DNAH10: variants seen among roughly 807,000 people sequenced by gnomAD.
DNAH10 encodes the protein axonemal beta dynein heavy chain 10.
In DNAH10, 348 loss-of-function variants were observed where a neutral mutation model predicts 506.6. That is an observed-to-expected ratio of 0.69 (90% confidence interval 0.63 to 0.75). DNAH10 has a LOEUF of 0.75. Ranked by LOEUF, DNAH10 falls within the 30% of genes least tolerant of loss-of-function variation. DNAH10 has a pLI of 0.00. For synonymous variants in DNAH10, 2,059 were observed against 2,198.6 expected (o/e 0.94, Z 1.78); for missense variants, 5,179 against 5,787.1 (o/e 0.89, Z 3.41).
rs1955242554 is a variant in DNAH10, at chr12:123,932,107, G to A, written c.13295G>A (p.Trp4432Ter). The A allele has an allele frequency of 6.2e-7, 1 of 1,613,366 alleles. No individual in the cohort carries two copies. Reference protein sequence around the residue: ...FLRRFSQYMLWVTESEPSVMW... With the variant: ...FLRRFSQYML ...CGGCGGTTCAGCCAGTACATGTTGT[G>A]GGTAAGTGGCACGTCACCGCCTCCT... Residue 4432 changes from tryptophan (W) to a stop codon, truncating the protein, a stop_gained and splice_region_variant, in exon 76 of 79, where the codon TGG becomes TAG. Transcript: ENST00000673944. LOFTEE classifies it high-confidence loss of function.
chr12:123,931,898 G>A (rs765233054), intron 75 of DNAH10, 43 bp from the exon 76 acceptor site: 2 of 1,612,758 alleles, frequency 1.2e-6, no homozygotes, highest in African/African-American at 1.3e-5. Context: ...TGGCACCTGG[G>A]GTTCTGATAG....
chr12:123,861,770 T>C (rs1459240588), intron 39 of DNAH10, among the ~76,000 whole-genome samples: 2 of 152,276 alleles, frequency 1.3e-5, no homozygotes, highest in African/African-American at 4.8e-5. Flanking sequence ...TCTGATTTTA[T>C]GTTCTAATCA....
chr12:123,807,722 A>G (rs1958735022), intron 18 of DNAH10, among the ~76,000 whole-genome samples: 1 of 147,118 alleles, frequency 6.8e-6, no homozygotes, highest in Non-Finnish European at 1.5e-5. Flanking sequence ...AGTGTTTTCA[A>G]CTGGAGAAAG....
intron 21 of DNAH10, among the ~76,000 whole-genome samples, chr12:123,816,580 G>A (rs1045226686): frequency 5.3e-5 from 8 of 152,174 alleles, no homozygotes; most frequent in African/African-American, 1.4e-4. Flanking sequence ...CCTGAGTTGT[G>A]TCTTTTATAA....
chr12:123,850,901 A>T lies in DNAH10; in HGVS notation c.6116A>T (p.Glu2039Val). Residue 2039 changes from glutamate (E) to valine (V), a missense_variant, in exon 35 of 79, where the codon GAG becomes GTG. Around this residue, in one of 3 missense-constraint regions of DNAH10, gnomAD observed 4,844 missense variants for 5,430.5 expected, o/e 0.89. Coordinates refer to ENST00000673944, the MANE Select transcript of DNAH10 (RefSeq NM_001372106.1). The surrounding 1 kb of genome is among the most constrained non-coding windows in gnomAD (Gnocchi z 5.5). ...CTTGCCCTCCAGTTTGAAGGGCAGG[A>T]GATTTCCCTGGACTCCCGCATGGGC... The part of the protein sequence containing the change: ...QLTTFQFEGQ[E>V]ISLDSRMGIF... 6.2e-7 allele frequency: 1 copy of T among 1,611,652 alleles called. No homozygotes were observed. The highest frequency in any genetic ancestry group is 8.5e-7 in the Non-Finnish European group (1 of 1,178,442).
rs986999452 is a variant in DNAH10 at position 123,853,940 on chromosome 12, G to A, written c.6438+588G>A. Among the ~76,000 whole-genome samples, 4 of 149,358 alleles carry A rather than the reference G, an allele frequency of 2.7e-5. No homozygotes were observed. Among genetic ancestry groups the A allele is most frequent in the African/African-American group, 7.4e-5 (3 of 40,560 alleles). On this transcript the variant is annotated intron_variant, in intron 36 of 78. Coordinates refer to ENST00000673944, the MANE Select transcript of DNAH10 (RefSeq NM_001372106.1). The surrounding 1 kb of genome is among the most constrained non-coding windows in gnomAD (Gnocchi z 4.7). ...TACGCACACGCACGCACACGCACAC[G>A]CACACACACACACATTTGGGTAGTA...
rs774295078 is a variant in DNAH10 at position 123,783,960 on chromosome 12, T to A, written c.1013T>A (p.Leu338Gln). ...TTCACCTCTCAGGGTAAAGGCCCTC[T>A]GGCTGAAATTGAATTCTGGAGGGAA... The part of the protein sequence containing the change: ...LKKTPQGKGP[L>Q]AEIEFWRERN... The change falls in exon 8 of 79, where the codon CTG (leucine) becomes CAG (glutamine). Residue 338 changes from leucine to glutamine, a missense_variant. Transcript: ENST00000673944. The A allele has an allele frequency of 1.9e-6, 3 of 1,614,238 alleles. No homozygotes were observed. The Admixed American group carries it at 5.0e-5, about 27-fold the overall frequency.
At chr12:123,770,268 A>AGT (rs763621560) in intron 2 of DNAH10, among the ~76,000 whole-genome samples, 2 of 151,120 alleles carry the variant, frequency 1.3e-5, no homozygotes, top group Non-Finnish European at 3.0e-5. Flanking sequence ...TTTTTTTAAA[A>AGT]TTTTTTTTGT....
Position 123,819,180 on chromosome 12 carries a change from T to C in DNAH10, c.3930T>C (p.Val1310=). Residue 1310 remains valine, a synonymous_variant, in exon 23 of 79, where the codon GTT becomes GTC. Coordinates refer to ENST00000673944, the MANE Select transcript of DNAH10 (RefSeq NM_001372106.1). The part of the protein sequence containing the change: ...LTRGEIMNYR[V]QIEEFAKRFY... ...GAGGCGAAATAATGAACTACAGAGT[T>C]CAGATAGAGGAGTTTGCAAAGCGTT... 6.2e-7 allele frequency: 1 copy of C among 1,613,656 alleles called. No individual in the cohort carries two copies. The highest frequency in any genetic ancestry group is 8.5e-7 in the Non-Finnish European group (1 of 1,179,802).
chr12:123,762,565 G>T lies in DNAH10; in HGVS notation c.214+15G>T. ...GGTGGAGATTGGTGAGCCTCGACGCGCCGCTCCCTTCCCCGGGCTTCCCTC... is the reference window on the plus strand; with the variant it reads ...GGTGGAGATTGGTGAGCCTCGACGCTCCGCTCCCTTCCCCGGGCTTCCCTC... On this transcript the variant is annotated intron_variant, in intron 1 of 78. Transcript: ENST00000673944. This position sits in a 1 kb window ranked among gnomAD's most constrained non-coding sequence, Gnocchi z 5.0. The T allele has an allele frequency of 6.5e-7, 1 of 1,542,590 alleles. No homozygotes were observed. The highest frequency in any genetic ancestry group is 8.7e-7 in the Non-Finnish European group (1 of 1,145,048).
At chr12:123,788,955 A>G (rs905392371) in intron 10 of DNAH10, among the ~76,000 whole-genome samples, 1 of 151,758 alleles carries the variant, frequency 6.6e-6, no homozygotes, top group Admixed American at 6.6e-5. Context: ...AATTAAAAAT[A>G]TAAAGCTTTT....
At chr12:123,934,151 G>A in intron 77 of DNAH10, 1 of 677,618 alleles carries the variant, frequency 1.5e-6, no homozygotes, top group Non-Finnish European at 2.7e-6. Context: ...CCACAGGAGT[G>A]TGTTCCTCTC....
At chr12:123,792,048 A>G (rs1167850845) in intron 11 of DNAH10, among the ~76,000 whole-genome samples, 1 of 152,184 alleles carries the variant, frequency 6.6e-6, no homozygotes, top group East Asian at 1.9e-4. Flanking sequence ...AACTTCTCAG[A>G]GTAGATACAG....
At position 123,929,737 on chromosome 12, in the gene DNAH10, G is replaced by C; in HGVS notation, c.12590G>C (p.Ser4197Thr). ...QQRDPRIPWG[S>T]LKYLIGEVMY... is the part of the protein sequence containing the mutation. ...CGGGACCCAAGGATCCCGTGGGGCA[G>C]CCTCAAGTACCTAATTGGAGAGGTA... Residue 4197 changes from serine to threonine, a missense_variant, in exon 72 of 79, where the codon AGC becomes ACC. Ser to Thr is a moderately conservative substitution (Grantham distance 58). Around this residue, in one of 3 missense-constraint regions of DNAH10, gnomAD observed 4,844 missense variants for 5,430.5 expected, o/e 0.89. Coordinates refer to ENST00000673944, the MANE Select transcript of DNAH10 (RefSeq NM_001372106.1). 1 of 1,612,964 alleles carries C rather than the reference G, an allele frequency of 6.2e-7. No homozygotes were observed. Among genetic ancestry groups the C allele is most frequent in the Non-Finnish European group, 8.5e-7 (1 of 1,179,536 alleles).
At chr12:123,911,222 A>G (rs1203244100) in intron 59 of DNAH10, among the ~76,000 whole-genome samples, 2 of 113,098 alleles carry the variant, frequency 1.8e-5, no homozygotes, top group African/African-American at 7.1e-5. Flanking sequence ...TCTAGGGTCA[A>G]AGCAGAGTTT....
At chr12:123,882,326 C>T (rs1952543480) in intron 51 of DNAH10, 1 of 152,470 alleles carries the variant, frequency 6.6e-6, no homozygotes. Context: ...GCTGCCATAT[C>T]TGCACAGCCT....
Position 123,935,649 on chromosome 12 carries a change from G to T in DNAH10, c.*168G>T. 4 of 677,670 alleles carry T rather than the reference G, an allele frequency of 5.9e-6. No individual in the cohort carries two copies. The highest frequency in any genetic ancestry group is 3.0e-5 in the Admixed American group (1 of 33,134). The allele number at this position is 677,670 out of a possible 1,614,324, so 42.0% of individuals were successfully genotyped here. ...TCTTTCCATACAAATTAACCTGAAT[G>T]GTTTTGTTTTTAATACTACTTTTTA... On this transcript the variant is annotated 3_prime_UTR_variant, in exon 79 of 79. Transcript: ENST00000673944.
At chr12:123,769,776 T>C (rs143343937) in intron 2 of DNAH10, among the ~76,000 whole-genome samples, 2,670 of 152,034 alleles carry the variant, frequency 0.018, 35 homozygotes, top group Admixed American at 0.028. Flanking sequence ...TTTTTAAAGA[T>C]GGGGCCTTGC....
Position 123,774,263 on chromosome 12 carries a change from A to G in DNAH10, c.620A>G (p.Gln207Arg), listed in dbSNP as rs967542527. Residue 207 changes from glutamine to arginine, a missense_variant and splice_region_variant, in exon 5 of 79, where the codon CAG becomes CGG. Gln to Arg is a conservative substitution (Grantham distance 43). This residue lies in a region of DNAH10 where 326 missense variants were observed against 330.8 expected (regional missense o/e 0.99). Coordinates refer to ENST00000673944, the MANE Select transcript of DNAH10 (RefSeq NM_001372106.1). ...CATTTTCTGAAGAATATTATATGTC[A>G]GGTAAACATGGAGAAAGGAAGAAAT... ...VLHFLKNIIC[Q>R]VFLPALSFNQ... is the part of the protein sequence containing the mutation. 1.3e-6 allele frequency: 2 copies of G among 1,577,028 alleles called. No homozygotes were observed. The highest frequency in any genetic ancestry group is 1.9e-5 in the Admixed American group (1 of 52,462).
Sources: allele counts gnomAD v4.1 joint callset (sites outside exome capture counted in the v4.1 genomes callset), GRCh38; gene constraint gnomAD v4.1.1; regional missense constraint gnomAD v4.1.1; non-coding constraint Gnocchi (gnomAD v3.1); transcripts MANE v1.5; gene names NCBI Gene and HGNC (gene_info 2026-07-23, HGNC 2026-07-21).